The following DNAJC3 variants were observed in gnomAD, a reference collection of about 807,000 sequenced individuals.
The protein encoded by DNAJC3 is DnaJ heat shock protein family (Hsp40) member C3, also known as dnaJ homolog subfamily C member 3.
In DNAJC3, 38 loss-of-function variants were observed where a neutral mutation model predicts 68.6. That is an observed-to-expected ratio of 0.55 (90% CI 0.43 to 0.73). The LOEUF (loss-of-function observed/expected upper bound fraction) is 0.73. DNAJC3 is among the 30% of genes least tolerant of loss of function. DNAJC3 has a pLI of 0.00. For synonymous variants in DNAJC3, 203 were observed against 204.0 expected, an observed-to-expected ratio of 1.00 and a Z score of 0.04; for missense variants, 526 against 591.9, an observed-to-expected ratio of 0.89 and a Z score of 1.16.
At position 95,791,359 on chromosome 13, in the gene DNAJC3, T is replaced by C; in HGVS notation, c.*329T>C. The C allele has an allele frequency of 3.1e-6, 1 of 318,540 alleles. No homozygotes were observed. The highest frequency in any genetic ancestry group is 5.9e-6 in the Non-Finnish European group (1 of 169,900). The allele number at this position is 318,540 out of a possible 1,614,324, so 19.7% of individuals were successfully genotyped here. On this transcript the variant is annotated 3_prime_UTR_variant, in exon 12 of 12. Coordinates refer to ENST00000602402, the MANE Select transcript of DNAJC3 (RefSeq NM_006260.5). Reference sequence around the variant, plus strand: ...TTCTACACTGGAGCTGAGATTCTTCTCTTCACAGCCTTGCAGAGTAAGTCA... The same window carrying C: ...TTCTACACTGGAGCTGAGATTCTTCCCTTCACAGCCTTGCAGAGTAAGTCA...
chr13:95,766,595 CTGAA>C (rs1435866842), intron 9 of DNAJC3, among the ~76,000 whole-genome samples: 1 of 152,034 alleles, frequency 6.6e-6, no homozygotes, highest in East Asian at 1.9e-4. Flanking sequence ...CTCATCTTTG[CTGAA>C]TGAATGAAGG....
At chr13:95,721,705 A>G (rs1438377139) in intron 2 of DNAJC3, among the ~76,000 whole-genome samples, 2 of 151,370 alleles carry the variant, frequency 1.3e-5, no homozygotes, top group East Asian at 1.9e-4. Flanking sequence ...ATGCAGATCA[A>G]TGTGGTTTTG....
At chr13:95,683,431 A>G (rs1012114830) in intron 1 of DNAJC3, among the ~76,000 whole-genome samples, 1 of 152,080 alleles carries the variant, frequency 6.6e-6, no homozygotes. Flanking sequence ...TGTTATTGTG[A>G]TAGAATTCTC....
chr13:95,780,573 G>C (rs568368877), intron 9 of DNAJC3, among the ~76,000 whole-genome samples: 1 of 152,290 alleles, frequency 6.6e-6, no homozygotes, highest in South Asian at 2.1e-4. Context: ...AGCAGCCCTT[G>C]TACAGTTTCT....
At chr13:95,712,002 T>C (rs1422276026) in intron 2 of DNAJC3, among the ~76,000 whole-genome samples, 1 of 152,240 alleles carries the variant, frequency 6.6e-6, no homozygotes, top group Admixed American at 6.5e-5. Flanking sequence ...CCACATATTA[T>C]GTTTGTACAC....
At chr13:95,757,620 C>T (rs1280935485) in intron 4 of DNAJC3, 24 bp from the exon 5 acceptor site, 1 of 1,527,310 alleles carries the variant, frequency 6.5e-7, no homozygotes, top group Admixed American at 1.8e-5. Flanking sequence ...AAAAACTCTG[C>T]TTAGTTTTTT....
At chr13:95,689,305 G>T (rs1880165129) in intron 1 of DNAJC3, among the ~76,000 whole-genome samples, 1 of 149,112 alleles carries the variant, frequency 6.7e-6, no homozygotes, top group African/African-American at 2.5e-5. Flanking sequence ...CAGGATTTCT[G>T]TTTCTTCTTG....
chr13:95,782,431 G>T (rs1883481783), intron 9 of DNAJC3, among the ~76,000 whole-genome samples: 1 of 152,172 alleles, frequency 6.6e-6, no homozygotes, highest in Non-Finnish European at 1.5e-5. Flanking sequence ...CAGTGTAAAA[G>T]CCTTCCTATT....
At chr13:95,759,171 C>T (rs17887216) in intron 5 of DNAJC3, among the ~76,000 whole-genome samples, 3 of 152,146 alleles carry the variant, frequency 2.0e-5, no homozygotes, top group Non-Finnish European at 4.4e-5. Flanking sequence ...GTTTCCTAAA[C>T]CCTTATGGAC....
rs1191259954 is a variant in DNAJC3 at position 95,792,096 on chromosome 13, G to C, written c.*1066G>C. On this transcript the variant is annotated 3_prime_UTR_variant, in exon 12 of 12. Transcript: ENST00000602402. The stretch of plus-strand genomic sequence containing the variant: ...AAACAGCAGACCGGCCCTTCTACCA[G>C]ATCTTGATGCCTCTGATTTTCTCCT... 1.3e-5 allele frequency: 2 copies of C among 152,196 alleles called. No homozygotes were observed. The highest frequency in any genetic ancestry group is 2.9e-5 in the Non-Finnish European group (2 of 68,044). The allele number at this position is 152,196 out of a possible 1,614,324, so 9.4% of individuals were successfully genotyped here. A position where few individuals can be genotyped will look rare whatever the true frequency, so the allele number is the denominator to read the frequency against.
chr13:95,759,964 TA>T, intron 5 of DNAJC3, 75 bp from the exon 6 acceptor site: 4 of 1,390,812 alleles, frequency 2.9e-6, no homozygotes, highest in Non-Finnish European at 3.8e-6. Flanking sequence ...AATACGTAGA[TA>T]AAAAATACGT....
chr13:95,754,862 C>T (rs532791622), intron 4 of DNAJC3, among the ~76,000 whole-genome samples: 2 of 152,204 alleles, frequency 1.3e-5, no homozygotes, highest in African/African-American at 4.8e-5. Flanking sequence ...ATACAGAAGG[C>T]AGATCATCTC....
intron 9 of DNAJC3, among the ~76,000 whole-genome samples, chr13:95,771,289 T>C (rs1479239186): frequency 2.6e-5 from 4 of 152,202 alleles, no homozygotes; most frequent in Non-Finnish European, 4.4e-5. Context: ...TGCGACATGT[T>C]AAAGCAAGAA....
At chr13:95,708,833 T>G (rs958228160) in intron 1 of DNAJC3, among the ~76,000 whole-genome samples, 1 of 152,210 alleles carries the variant, frequency 6.6e-6, no homozygotes. Flanking sequence ...CCTAAAATAG[T>G]GCCTAGTGCA....
intron 9 of DNAJC3, among the ~76,000 whole-genome samples, chr13:95,782,546 A>G (rs1299231105): frequency 6.6e-6 from 1 of 152,130 alleles, no homozygotes; most frequent in Non-Finnish European, 1.5e-5. Context: ...GCATTTCTCT[A>G]ATGACCAGTG....
At chr13:95,685,118 ACC>A (rs1189898945) in intron 1 of DNAJC3, among the ~76,000 whole-genome samples, 2,600 of 152,348 alleles carry the variant, frequency 0.017, 79 homozygotes, top group African/African-American at 0.06. Flanking sequence ...GACAGCTTGC[ACC>A]ATGCACCTGG....
intron 4 of DNAJC3, among the ~76,000 whole-genome samples, chr13:95,738,339 C>T (rs1407711174): frequency 0.016 from 2,326 of 149,664 alleles, 28 homozygotes; most frequent in Non-Finnish European, 0.025. Flanking sequence ...TCTATTAGGT[C>T]CGCTTGGTGC....
rs759729876 is a variant in DNAJC3, at chr13:95,722,815, GCCCCCCCCCCCCCCCCCCCC to G, written c.194-422_194-403del. 4.6e-4 allele frequency among the ~76,000 whole-genome samples: 7 copies of G among 15,338 alleles called. 2 individuals carry two copies. Among genetic ancestry groups the G allele is most frequent in the Non-Finnish European group, 5.6e-4 (5 of 8,852 alleles). 10.1% of individuals were successfully genotyped at this position (15,338 alleles called of 152,430 possible). On this transcript the variant is annotated intron_variant, in intron 2 of 11. Transcript: ENST00000602402. Reference sequence around the variant, plus strand: ...AACCTGGGTGACAGACACCTTGTCCGCCCCCCCCCCCCCCCCCCCCCCCCGCCGAAAAAGGTTATAAGTTG... The same window carrying G: ...AACCTGGGTGACAGACACCTTGTCCGCCCCGCCGAAAAAGGTTATAAGTTG...
chr13:95,706,269 T>C (rs1880742094), intron 1 of DNAJC3, among the ~76,000 whole-genome samples: 1 of 152,208 alleles, frequency 6.6e-6, no homozygotes, highest in African/African-American at 2.4e-5. Flanking sequence ...CCATAGACAA[T>C]ATGGCCCATC....
Sources: allele counts gnomAD v4.1 joint callset (sites outside exome capture counted in the v4.1 genomes callset), GRCh38; gene constraint gnomAD v4.1.1; transcripts MANE v1.5; gene names NCBI Gene and HGNC (gene_info 2026-07-23, HGNC 2026-07-21).